Variants in TG observed in about 807,000 individuals in gnomAD.
TG encodes the protein thyroid hormones.
A neutral mutation model predicts 324.7 loss-of-function variants in TG; 270 were observed. The ratio of observed to expected loss-of-function variants is 0.83; its 90% CI spans 0.75 to 0.92. The LOEUF (loss-of-function observed/expected upper bound fraction) is 0.92. Ranked by LOEUF, TG falls within the 40% of genes least tolerant of loss-of-function variation. The pLI is 0.00. For synonymous variants in TG, 1,401 were observed against 1,327.0 expected (o/e 1.06, Z -1.21); for missense variants, 3,591 against 3,456.4 (o/e 1.04, Z -0.98).
At chr8:133,082,648 C>A (rs911600757) in intron 41 of TG, among the ~76,000 whole-genome samples, 2 of 152,132 alleles carry the variant, frequency 1.3e-5, no homozygotes, top group African/African-American at 4.8e-5. Flanking sequence ...AAACACTCTG[C>A]CCTGGTATTT....
chr8:132,971,946 CT>C, intron 33 of TG, 73 bp downstream of exon 33: 2 of 1,086,000 alleles, frequency 1.8e-6, no homozygotes, highest in Non-Finnish European at 2.9e-6. Flanking sequence ...CACATCTATG[CT>C]TTTACAAATC....
intron 22 of TG, among the ~76,000 whole-genome samples, chr8:132,928,107 C>T (rs563520055): frequency 2.0e-5 from 3 of 152,258 alleles, no homozygotes; most frequent in African/African-American, 4.8e-5. Context: ...TCAACCCAAT[C>T]CCAAAAGGAA....
intron 37 of TG, 173 bp from the exon 38 acceptor site, chr8:133,017,605 A>T: frequency 1.5e-6 from 1 of 689,266 alleles, no homozygotes; most frequent in Non-Finnish European, 2.5e-6. Flanking sequence ...GTTTGTTTAC[A>T]TTGAAAACCT....
chr8:132,943,319 A>T (rs780295718), intron 26 of TG, among the ~76,000 whole-genome samples: 1 of 151,944 alleles, frequency 6.6e-6, no homozygotes, highest in Non-Finnish European at 1.5e-5. Flanking sequence ...CTAACTCCTG[A>T]TCTCCTGTAA....
At chr8:132,937,623 A>G (rs1030688818) in intron 25 of TG, among the ~76,000 whole-genome samples, 2 of 152,206 alleles carry the variant, frequency 1.3e-5, no homozygotes, top group Non-Finnish European at 1.5e-5. Flanking sequence ...TTCTTTTTAA[A>G]TAACAAAACA....
intron 10 of TG, among the ~76,000 whole-genome samples, chr8:132,889,806 C>T (rs1815969193): frequency 6.6e-6 from 1 of 152,132 alleles, no homozygotes; most frequent in African/African-American, 2.4e-5. Context: ...GACTGAGTTT[C>T]GCTCTTGTTG....
chr8:133,026,409 C>T (rs10108459), intron 40 of TG, among the ~76,000 whole-genome samples: 22,713 of 152,128 alleles, frequency 0.15, 2,022 homozygotes, highest in African/African-American at 0.24. Context: ...TTGGTTCCTA[C>T]GGATGTGAGC....
chr8:132,965,232 A>G lies in TG; in HGVS notation c.5549-1328A>G, dbSNP rs191432355. Among the ~76,000 whole-genome samples the G allele has an allele frequency of 2.6e-5, 4 of 152,336 alleles. No homozygotes were observed. In the East Asian group the frequency reaches 7.7e-4, roughly 29 times the overall value. Reference sequence around the variant, plus strand: ...GAGGAAACAGGCTTGGGAACTGGCCATCATACAATCACATGAGATGCAGGC... The same window carrying G: ...GAGGAAACAGGCTTGGGAACTGGCCGTCATACAATCACATGAGATGCAGGC... On this transcript the variant is annotated intron_variant, in intron 29 of 47. Transcript: ENST00000220616.
chr8:133,035,640 CATT>C, intron 41 of TG, among the ~76,000 whole-genome samples: 1 of 152,174 alleles, frequency 6.6e-6, no homozygotes, highest in East Asian at 1.9e-4. Flanking sequence ...AGGTTGCAAT[CATT>C]GTTTCTTCTT....
chr8:133,095,791 C>T (rs1848312370), intron 42 of TG, among the ~76,000 whole-genome samples: 1 of 152,214 alleles, frequency 6.6e-6, no homozygotes, highest in African/African-American at 2.4e-5. Context: ...TGAGTCTGGA[C>T]TCACAGAATT....
chr8:133,060,898 C>T (rs2741202), intron 41 of TG, among the ~76,000 whole-genome samples: 106,669 of 152,144 alleles, frequency 0.7, 37,879 homozygotes, highest in African/African-American at 0.75. Context: ...GAGATTTGAA[C>T]CACTGATGCT....
intron 27 of TG, among the ~76,000 whole-genome samples, chr8:132,960,749 C>G (rs1039641127): frequency 2.0e-5 from 3 of 152,122 alleles, no homozygotes; most frequent in African/African-American, 7.2e-5. Flanking sequence ...GTGACTCTCC[C>G]GAGTCATAGG....
chr8:133,064,631 G>C (rs185372841), intron 41 of TG, among the ~76,000 whole-genome samples: 147 of 152,336 alleles, frequency 9.6e-4, no homozygotes, highest in African/African-American at 3.4e-3. Context: ...CAGAAACATG[G>C]CATGGAGAGG....
chr8:132,932,604 C>T (rs1322448744), intron 23 of TG, among the ~76,000 whole-genome samples: 3 of 152,294 alleles, frequency 2.0e-5, no homozygotes, highest in African/African-American at 4.8e-5. Context: ...ACATTTTCTA[C>T]CAAAACCTCC....
At chr8:133,109,009 A>G (rs572817673) in intron 43 of TG, among the ~76,000 whole-genome samples, 12 of 152,302 alleles carry the variant, frequency 7.9e-5, no homozygotes, top group African/African-American at 2.6e-4. Flanking sequence ...GGCATTTTTC[A>G]TTATCCACCT....
chr8:133,134,794 A>G lies in TG; in HGVS notation c.8307A>G (p.Ter2769TrpextTer23). ...QEPGSKTYSK[*>W] Reference sequence around the variant, plus strand: ...CAGGCTCTAAGACCTACAGCAAGTGACCAGCCCTTGAGCTCCCCAAAAACC... The same window carrying G: ...CAGGCTCTAAGACCTACAGCAAGTGGCCAGCCCTTGAGCTCCCCAAAAACC... Residue 2769 changes from the stop codon to tryptophan, a stop_lost, in exon 48 of 48, where the codon TGA becomes TGG. Transcript: ENST00000220616. The G allele has an allele frequency of 6.2e-7, 1 of 1,613,780 alleles. No individual in the cohort carries two copies. The highest frequency in any genetic ancestry group is 8.5e-7 in the Non-Finnish European group (1 of 1,179,698).
At chr8:132,895,373 TG>T (rs895129028) in intron 11 of TG, among the ~76,000 whole-genome samples, 1 of 152,250 alleles carries the variant, frequency 6.6e-6, no homozygotes, top group African/African-American at 2.4e-5. Context: ...AGGGTGTCTA[TG>T]GCCAGCGTGG....
chr8:133,096,148 T>G (rs918037359), intron 42 of TG, 58 bp from the exon 43 acceptor site: 20 of 1,596,678 alleles, frequency 1.3e-5, no homozygotes, highest in Non-Finnish European at 1.5e-5. Flanking sequence ...GACCTCTTTA[T>G]GCAAAGCAGT....
At position 132,913,021 on chromosome 8, in the gene TG, C is replaced by T. The variant is rs755253533; in HGVS notation, c.4160-26C>T. ...CCCTAGCAGAGTACAGTGGGGGTGA[C>T]CTCTACCTTATCCTGTGTCTTACAG... On this transcript the variant is annotated intron_variant, in intron 19 of 47. Transcript: ENST00000220616. The T allele has an allele frequency of 3.7e-6, 6 of 1,610,860 alleles. No individual in the cohort carries two copies. In the East Asian group the frequency reaches 8.9e-5, roughly 24 times the overall value.
Sources: allele counts gnomAD v4.1 joint callset (sites outside exome capture counted in the v4.1 genomes callset), GRCh38; gene constraint gnomAD v4.1.1; transcripts MANE v1.5; gene names NCBI Gene and HGNC (gene_info 2026-07-23, HGNC 2026-07-21).